The following CCDC15 variants were observed in gnomAD, a reference collection of about 807,000 sequenced individuals.
CCDC15 encodes the protein coiled-coil domain-containing protein 15.
Under a neutral mutation model 114.5 loss-of-function variants are expected in CCDC15, and 105 were observed. That is an observed-to-expected ratio of 0.92 (90% CI 0.78 to 1.08). The LOEUF (loss-of-function observed/expected upper bound fraction) is 1.08, where lower values mean the gene tolerates loss of function less well. Among genes scored for constraint, CCDC15 ranks in the 50% least tolerant of loss-of-function variants. The pLI is 0.00. For synonymous variants in CCDC15, 334 were observed against 377.8 expected, an observed-to-expected ratio of 0.88 and a Z score of 1.34; for missense variants, 1,105 against 1,093.6, an observed-to-expected ratio of 1.01 and a Z score of -0.15.
At chr11:125,012,943 C>T (rs986311401) in intron 13 of CCDC15, among the ~76,000 whole-genome samples, 32 of 152,106 alleles carry the variant, frequency 2.1e-4, no homozygotes, top group African/African-American at 7.5e-4. Context: ...AGTAACTTCA[C>T]CTCTGAGCCT....
At chr11:124,986,696 T>C (rs763553668) in intron 6 of CCDC15, 46 bp from the exon 7 acceptor site, 200 of 1,440,966 alleles carry the variant, frequency 1.4e-4, no homozygotes, top group African/African-American at 4.4e-4. Flanking sequence ...TGTGTTTGTG[T>C]GTGTGCGCGC....
chr11:124,957,266 C>T (rs1947568674), intron 2 of CCDC15, among the ~76,000 whole-genome samples: 1 of 152,190 alleles, frequency 6.6e-6, no homozygotes, highest in Non-Finnish European at 1.5e-5. Flanking sequence ...TTGGCTGGAG[C>T]TAGACAATAG....
intron 4 of CCDC15, among the ~76,000 whole-genome samples, chr11:124,971,503 T>C (rs577079306): frequency 3.9e-5 from 6 of 152,198 alleles, no homozygotes; most frequent in Non-Finnish European, 8.8e-5. Flanking sequence ...TTTAGGCCCA[T>C]GTTCTGTAGG....
At chr11:124,978,966 AT>A (rs1316638804) in intron 6 of CCDC15, among the ~76,000 whole-genome samples, 1 of 151,920 alleles carries the variant, frequency 6.6e-6, no homozygotes, top group Non-Finnish European at 1.5e-5. Context: ...TCTTGAGTTG[AT>A]TTTTATATAT....
At chr11:125,022,248 G>A (rs1018676942) in intron 13 of CCDC15, among the ~76,000 whole-genome samples, 2 of 151,808 alleles carry the variant, frequency 1.3e-5, no homozygotes, top group African/African-American at 4.8e-5. Flanking sequence ...CATTCCTAGT[G>A]TACTCCTTTA....
chr11:124,973,294 C>T (rs1486945886), intron 4 of CCDC15, among the ~76,000 whole-genome samples: 1 of 151,712 alleles, frequency 6.6e-6, no homozygotes, highest in Non-Finnish European at 1.5e-5. Flanking sequence ...TCACATGGTG[C>T]AGGGTAATAA....
chr11:124,986,667 C>CTGTGGGTGTG, intron 6 of CCDC15, 75 bp from the exon 7 acceptor site: 1 of 1,089,548 alleles, frequency 9.2e-7, no homozygotes, highest in Non-Finnish European at 1.2e-6. Flanking sequence ...CTACATGGTG[C>CTGTGGGTGTG]TGTGTGTGTG....
At position 124,988,428 on chromosome 11, in the gene CCDC15, A is replaced by T. The variant is rs545236045; in HGVS notation, c.1908+294A>T. On this transcript the variant is annotated intron_variant, in intron 8 of 15. Transcript: ENST00000344762. The stretch of plus-strand genomic sequence containing the variant: ...TTATTGCTAAAAAATGCTTACGATT[A>T]TCTGAGTCTTCGGCAAGCCATAATC... 2.6e-5 allele frequency among the ~76,000 whole-genome samples: 4 copies of T among 152,358 alleles called. No individual in the cohort carries two copies. In the South Asian group the frequency reaches 8.3e-4, roughly 32 times the overall value.
At chr11:125,025,067 A>AATATATGAATATATATGAATAT (rs1272404164) in intron 13 of CCDC15, among the ~76,000 whole-genome samples, 18 of 115,116 alleles carry the variant, frequency 1.6e-4, no homozygotes, top group African/African-American at 3.5e-4. Context: ...TATATATATG[A>AATATATGAATATATATGAATAT]ATATATGAAT....
chr11:124,986,266 G>C (rs929855327), intron 6 of CCDC15, among the ~76,000 whole-genome samples: 8 of 152,156 alleles, frequency 5.3e-5, no homozygotes, highest in African/African-American at 1.9e-4. Context: ...GGTAACTTTT[G>C]AAATTGGGAG....
At chr11:124,995,394 TCC>T (rs149403566) in intron 11 of CCDC15, among the ~76,000 whole-genome samples, 9,557 of 152,292 alleles carry the variant, frequency 0.063, 361 homozygotes, top group African/African-American at 0.1. Context: ...TCTGGAGATT[TCC>T]CACTAGCCCA....
intron 13 of CCDC15, among the ~76,000 whole-genome samples, chr11:125,026,690 C>A (rs1014690352): frequency 6.6e-6 from 1 of 152,008 alleles, no homozygotes; most frequent in Admixed American, 6.6e-5. Context: ...ACCTCCAGCC[C>A]CTGGTACCAT....
At chr11:124,996,026 C>A (rs1288272181) in intron 11 of CCDC15, among the ~76,000 whole-genome samples, 1 of 151,848 alleles carries the variant, frequency 6.6e-6, no homozygotes, top group Non-Finnish European at 1.5e-5. Flanking sequence ...GATGGGGTTT[C>A]GTCATGTTTG....
chr11:125,017,349 C>A (rs1050759873), intron 13 of CCDC15, among the ~76,000 whole-genome samples: 1 of 152,030 alleles, frequency 6.6e-6, no homozygotes, highest in Non-Finnish European at 1.5e-5. Flanking sequence ...CAGATAAATA[C>A]GGTCATGCAC....
At chr11:124,961,179 G>A (rs1947652301) in intron 4 of CCDC15, among the ~76,000 whole-genome samples, 1 of 152,152 alleles carries the variant, frequency 6.6e-6, no homozygotes, top group Non-Finnish European at 1.5e-5. Context: ...CCTTGCTTTC[G>A]TGGTGCTTGT....
At chr11:124,954,642 G>C (rs1194734373) in intron 1 of CCDC15, 82 bp from the exon 2 acceptor site, 14 of 1,217,732 alleles carry the variant, frequency 1.1e-5, no homozygotes, top group Non-Finnish European at 1.6e-5. Flanking sequence ...TCCTTTTCAC[G>C]GGCCTGTGGC....
At chr11:125,031,310 C>G (rs1180534719) in intron 13 of CCDC15, among the ~76,000 whole-genome samples, 1 of 152,248 alleles carries the variant, frequency 6.6e-6, no homozygotes, top group Admixed American at 6.5e-5. Context: ...TCACAGGGAA[C>G]TCCCCATGAG....
intron 13 of CCDC15, among the ~76,000 whole-genome samples, chr11:125,021,768 C>T (rs1948661870): frequency 6.6e-6 from 1 of 151,882 alleles, no homozygotes; most frequent in Non-Finnish European, 1.5e-5. Flanking sequence ...AGACCTATGA[C>T]ACTTGAAAAA....
chr11:124,973,397 A>G (rs1444349877), intron 4 of CCDC15, among the ~76,000 whole-genome samples: 1 of 150,556 alleles, frequency 6.6e-6, no homozygotes, highest in African/African-American at 2.4e-5. Flanking sequence ...CTCTTTTTGC[A>G]TTGTGAACAG....
Sources: allele counts gnomAD v4.1 joint callset (sites outside exome capture counted in the v4.1 genomes callset), GRCh38; gene constraint gnomAD v4.1.1; transcripts MANE v1.5; gene names NCBI Gene and HGNC (gene_info 2026-07-23, HGNC 2026-07-21).